EVA1C: variants seen among roughly 807,000 people sequenced by gnomAD.
EVA1C encodes protein eva-1 homolog C.
Under a neutral mutation model 45.4 loss-of-function variants are expected in EVA1C, and 25 were observed. The ratio of observed to expected loss-of-function variants is 0.55; its 90% confidence interval spans 0.40 to 0.77. The LOEUF is 0.77. Ranked by LOEUF, EVA1C falls within the 30% of genes least tolerant of loss-of-function variation. The probability of loss-of-function intolerance (pLI) is 0.00; values close to 1 mark genes in which losing one functional copy is unlikely to be tolerated. For synonymous variants in EVA1C, 190 were observed against 221.2 expected, an observed-to-expected ratio of 0.86 and a Z score of 1.25; for missense variants, 479 against 554.8, an observed-to-expected ratio of 0.86 and a Z score of 1.37.
chr21:32,476,656 A>G (rs780936182), intron 4 of EVA1C, among the ~76,000 whole-genome samples: 2 of 151,920 alleles, frequency 1.3e-5, no homozygotes, highest in African/African-American at 4.8e-5. Flanking sequence ...TAATAATAAT[A>G]ATAATAAGTT....
intron 1 of EVA1C, among the ~76,000 whole-genome samples, chr21:32,418,576 C>T (rs1039723106): frequency 3.3e-5 from 5 of 152,162 alleles, no homozygotes; most frequent in African/African-American, 1.2e-4. Context: ...GAGATCAGGA[C>T]CAGTCTCATT....
At chr21:32,484,942 C>G (rs377512362) in intron 4 of EVA1C, among the ~76,000 whole-genome samples, 1 of 152,050 alleles carries the variant, frequency 6.6e-6, no homozygotes, top group Non-Finnish European at 1.5e-5. Flanking sequence ...CCTTGTTTGC[C>G]GATTTTTTTT....
intron 3 of EVA1C, among the ~76,000 whole-genome samples, chr21:32,466,983 C>G (rs1270372456): frequency 3.3e-5 from 5 of 152,000 alleles, no homozygotes; most frequent in African/African-American, 1.2e-4. Context: ...GTCTTTTAAA[C>G]AAATAAATGT....
chr21:32,437,418 T>G (rs1376162809), intron 1 of EVA1C, among the ~76,000 whole-genome samples: 1 of 152,152 alleles, frequency 6.6e-6, no homozygotes, highest in African/African-American at 2.4e-5. Flanking sequence ...CAAGGGTCTC[T>G]CCAGTCCATC....
intron 3 of EVA1C, among the ~76,000 whole-genome samples, chr21:32,459,194 A>G (rs1308658903): frequency 6.6e-6 from 1 of 152,060 alleles, no homozygotes; most frequent in Non-Finnish European, 1.5e-5. Context: ...TCAAACACAT[A>G]CAAGCTGTCA....
At chr21:32,458,974 C>G (rs754426069) in intron 3 of EVA1C, among the ~76,000 whole-genome samples, 2 of 152,074 alleles carry the variant, frequency 1.3e-5, no homozygotes, top group African/African-American at 2.4e-5. Context: ...CCCCCCCGAT[C>G]TCTTCAGCAG....
At chr21:32,457,777 A>G in intron 3 of EVA1C, 57 bp downstream of exon 3, 1 of 1,598,918 alleles carries the variant, frequency 6.3e-7, no homozygotes, top group Non-Finnish European at 8.6e-7. Flanking sequence ...TTTCCTTCAC[A>G]CTCCTGGTCA....
intron 3 of EVA1C, among the ~76,000 whole-genome samples, chr21:32,464,082 A>T (rs1199327792): frequency 6.6e-6 from 1 of 152,200 alleles, no homozygotes; most frequent in Non-Finnish European, 1.5e-5. Flanking sequence ...GCCAGTGCGG[A>T]TATGACTCAC....
intron 4 of EVA1C, among the ~76,000 whole-genome samples, chr21:32,488,588 T>A (rs73192573): frequency 0.04 from 1,880 of 46,714 alleles, 43 homozygotes; most frequent in African/African-American, 0.17. Context: ...GCTGTTGGCC[T>A]TTTTTTTTTT....
intron 1 of EVA1C, among the ~76,000 whole-genome samples, chr21:32,416,859 G>C (rs959272744): frequency 6.6e-6 from 1 of 152,178 alleles, no homozygotes; most frequent in African/African-American, 2.4e-5. Context: ...GAAGTAGAAG[G>C]GACAGGGGAT....
intron 4 of EVA1C, among the ~76,000 whole-genome samples, chr21:32,490,797 C>T (rs1300702052): frequency 6.6e-6 from 1 of 152,212 alleles, no homozygotes; most frequent in African/African-American, 2.4e-5. Context: ...CTCCTTTCCT[C>T]CTGGATAATC....
At chr21:32,420,070 A>C (rs972617223) in intron 1 of EVA1C, among the ~76,000 whole-genome samples, 1 of 152,170 alleles carries the variant, frequency 6.6e-6, no homozygotes, top group Non-Finnish European at 1.5e-5. Flanking sequence ...CCATGTGTGC[A>C]CCACCGGCTC....
chr21:32,429,089 A>G (rs144463424), intron 1 of EVA1C, among the ~76,000 whole-genome samples: 2 of 146,522 alleles, frequency 1.4e-5, no homozygotes, highest in African/African-American at 5.5e-5. Flanking sequence ...CCTTGGTGCA[A>G]TCTCAGCTCA....
At chr21:32,513,416 G>A (rs958452962) in intron 7 of EVA1C, among the ~76,000 whole-genome samples, 2 of 148,436 alleles carry the variant, frequency 1.3e-5, no homozygotes, top group Non-Finnish European at 3.0e-5. Context: ...TCCTGACCTC[G>A]TTATCTCCTG....
At chr21:32,440,855 C>A (rs1323869704) in intron 1 of EVA1C, among the ~76,000 whole-genome samples, 1 of 152,198 alleles carries the variant, frequency 6.6e-6, no homozygotes, top group Non-Finnish European at 1.5e-5. Context: ...AATCCCAGCA[C>A]TTTGGGAGGC....
At chr21:32,506,732 TC>T (rs1211460153) in intron 7 of EVA1C, among the ~76,000 whole-genome samples, 1 of 152,062 alleles carries the variant, frequency 6.6e-6, no homozygotes, top group African/African-American at 2.4e-5. Context: ...CATGTGGACA[TC>T]AGGCTGGGTC....
At chr21:32,473,959 T>C in intron 4 of EVA1C, 1 of 985,410 alleles carries the variant, frequency 1.0e-6, no homozygotes, top group African/African-American at 1.7e-5. Flanking sequence ...CTCTGGCATT[T>C]TGGCTGTGGC....
chr21:32,417,784 C>T (rs145662819), intron 1 of EVA1C, among the ~76,000 whole-genome samples: 1 of 152,222 alleles, frequency 6.6e-6, no homozygotes, highest in African/African-American at 2.4e-5. Flanking sequence ...GGGTCTCAGT[C>T]CTGGCAGCAC....
intron 1 of EVA1C, among the ~76,000 whole-genome samples, chr21:32,434,448 G>A (rs551379856): frequency 2.1e-3 from 318 of 151,344 alleles, no homozygotes; most frequent in African/African-American, 6.9e-3. Context: ...AAAATTAGCC[G>A]GGCATGGTGG....
Sources: gnomAD v4.1 joint callset for allele counts (sites outside exome capture counted in the v4.1 genomes callset) on GRCh38, gnomAD v4.1.1 for gene constraint, MANE v1.5 for transcripts, NCBI Gene and HGNC (gene_info 2026-07-23, HGNC 2026-07-21) for gene names.